Variants in INSL6 observed in about 807,000 individuals in gnomAD.
INSL6 encodes the protein insulin like 6.
A neutral mutation model predicts 9.4 loss-of-function variants in INSL6; 16 were observed. The observed-to-expected ratio is 1.70, with a 90% CI of 1.15 to 2.59. INSL6 has a LOEUF of 2.59. INSL6 is among the 30% of genes most tolerant of loss of function. INSL6 has a pLI of 0.00. For synonymous variants in INSL6, 154 were observed against 96.9 expected (o/e 1.59, Z -3.46); for missense variants, 391 against 257.3 (o/e 1.52, Z -3.56).
At chr9:5,168,422 C>T (rs781683107) in intron 1 of INSL6, among the ~76,000 whole-genome samples, 2 of 151,966 alleles carry the variant, frequency 1.3e-5, no homozygotes, top group African/African-American at 2.4e-5. Flanking sequence ...GTGAACTTCA[C>T]GATGCAAACA....
the INSL6 span, among the ~76,000 whole-genome samples, chr9:5,049,142 A>G: frequency 1.5e-4 from 23 of 152,014 alleles, no homozygotes; most frequent in Non-Finnish European, 2.9e-4. Flanking sequence ...TCAGATCCTT[A>G]TTATTTCGTA....
chr9:5,084,379 A>C, the INSL6 span, among the ~76,000 whole-genome samples: 5 of 152,176 alleles, frequency 3.3e-5, no homozygotes, highest in Non-Finnish European at 7.4e-5. Context: ...TGCCATTCCT[A>C]CAAAAATGAT....
Position 5,167,487 on chromosome 9 carries a change from G to A in INSL6, c.290-3222C>T, listed in dbSNP as rs188176797. Reference sequence around the variant, plus strand: ...CAATTCCCCCACAGCACAGCACAGCGGCTGGGACAGTTTGTGGCCAGACTG... The same window carrying A: ...CAATTCCCCCACAGCACAGCACAGCAGCTGGGACAGTTTGTGGCCAGACTG... On this transcript the variant is annotated intron_variant, in intron 1 of 1. Transcript: ENST00000381641. Among the ~76,000 whole-genome samples the A allele has an allele frequency of 6.6e-5, 10 of 152,336 alleles. No homozygotes were observed. The East Asian group carries it at 1.5e-3, about 24-fold the overall frequency.
the INSL6 span, among the ~76,000 whole-genome samples, chr9:5,059,623 CCAAA>C: frequency 6.6e-6 from 1 of 152,034 alleles, no homozygotes; most frequent in Non-Finnish European, 1.5e-5. Context: ...TAGTATACTG[CCAAA>C]CAATTTTTTG....
At chr9:5,032,175 C>A in the INSL6 span, among the ~76,000 whole-genome samples, 2 of 152,226 alleles carry the variant, frequency 1.3e-5, no homozygotes, top group African/African-American at 4.8e-5. Context: ...TGAGATCAAA[C>A]TGCAAGGTGG....
At chr9:5,112,524 GA>G in the INSL6 span, 3 of 586,520 alleles carry the variant, frequency 5.1e-6, no homozygotes, top group Non-Finnish European at 3.1e-6. Flanking sequence ...CCCCAGAGCA[GA>G]AGGCCGAGTG....
chr9:5,024,750 T>G, the INSL6 span, among the ~76,000 whole-genome samples: 1 of 152,216 alleles, frequency 6.6e-6, no homozygotes. Context: ...GTGAAGCTGC[T>G]TTTCTGCCCT....
downstream of INSL6, among the ~76,000 whole-genome samples, chr9:5,158,953 TATA>T (rs1824869585): frequency 1.3e-5 from 2 of 152,120 alleles, no homozygotes; most frequent in African/African-American, 4.8e-5. Flanking sequence ...AGACAGACAG[TATA>T]ATGATATAAA....
At chr9:5,145,136 G>A (rs988984182) in intron 2 of INSL6, among the ~76,000 whole-genome samples, 2 of 152,188 alleles carry the variant, frequency 1.3e-5, no homozygotes, top group Non-Finnish European at 2.9e-5. Flanking sequence ...CCTCCTTCAA[G>A]AGCTTTTGTA....
intron 3 of INSL6, among the ~76,000 whole-genome samples, chr9:5,131,022 C>A (rs1824269246): frequency 6.6e-6 from 1 of 152,150 alleles, no homozygotes; most frequent in Non-Finnish European, 1.5e-5. Context: ...AGCCACCGCG[C>A]CCAGCCCGAG....
chr9:5,020,864 G>A, the INSL6 span, among the ~76,000 whole-genome samples: 1 of 152,146 alleles, frequency 6.6e-6, no homozygotes, highest in Non-Finnish European at 1.5e-5. Context: ...GGGCTGTTGG[G>A]CTCCAGGGTA....
At chr9:5,089,005 G>A in the INSL6 span, among the ~76,000 whole-genome samples, 1 of 152,238 alleles carries the variant, frequency 6.6e-6, no homozygotes, top group African/African-American at 2.4e-5. Flanking sequence ...GATAGCAAAA[G>A]GTATTTTGTA....
At chr9:5,105,720 G>A in the INSL6 span, among the ~76,000 whole-genome samples, 12 of 151,956 alleles carry the variant, frequency 7.9e-5, no homozygotes, top group East Asian at 1.9e-3. Flanking sequence ...AACAGAGATA[G>A]ACCAATGGAA....
intron 1 of INSL6, among the ~76,000 whole-genome samples, chr9:5,174,150 C>T (rs546715847): frequency 6.8e-4 from 103 of 152,294 alleles, no homozygotes; most frequent in African/African-American, 2.3e-3. Context: ...TCTATTGAAT[C>T]ACTCTTACCA....
chr9:5,070,749 A>C, the INSL6 span, among the ~76,000 whole-genome samples: 4 of 152,082 alleles, frequency 2.6e-5, no homozygotes, highest in African/African-American at 9.7e-5. Context: ...GGACCTGTGC[A>C]GTCCAAACCC....
chr9:5,030,310 C>G, the INSL6 span, among the ~76,000 whole-genome samples: 1 of 152,142 alleles, frequency 6.6e-6, no homozygotes, highest in Admixed American at 6.5e-5. Flanking sequence ...AGAAAAGAGA[C>G]TTTTCCCAGT....
At chr9:5,035,802 TC>T in the INSL6 span, among the ~76,000 whole-genome samples, 10 of 152,286 alleles carry the variant, frequency 6.6e-5, no homozygotes, top group African/African-American at 2.4e-4. Context: ...CTGGAAGCAT[TC>T]CCTTTGAAAA....
At chr9:5,050,800 C>G in the INSL6 span, 3 of 1,613,612 alleles carry the variant, frequency 1.9e-6, no homozygotes, top group Non-Finnish European at 2.5e-6. Context: ...AGAAAACGAT[C>G]AAACCCCACT....
At chr9:5,116,384 G>C in the INSL6 span, among the ~76,000 whole-genome samples, 1 of 152,110 alleles carries the variant, frequency 6.6e-6, no homozygotes, top group Non-Finnish European at 1.5e-5. Flanking sequence ...AATACTTTTT[G>C]AGGAAATGTC....
Sources: gnomAD v4.1 joint callset for allele counts (sites outside exome capture counted in the v4.1 genomes callset) on GRCh38, gnomAD v4.1.1 for gene constraint, MANE v1.5 for transcripts, NCBI Gene and HGNC (gene_info 2026-07-23, HGNC 2026-07-21) for gene names.